FAP: variants seen among roughly 807,000 people sequenced by gnomAD.
The protein encoded by FAP is prolyl endopeptidase FAP.
FAP carries 110 observed loss-of-function variants against 126.5 expected under a neutral mutation model. That is an observed-to-expected ratio of 0.87 (90% CI 0.74 to 1.02). FAP has a LOEUF of 1.02. Among genes scored for constraint, FAP ranks in the 50% least tolerant of loss-of-function variants. The probability of loss-of-function intolerance (pLI) is 0.00; values close to 1 mark genes in which losing one functional copy is unlikely to be tolerated. For missense variants in FAP, 919 were observed against 909.2 expected (o/e 1.01, Z -0.14); for synonymous variants, 334 against 297.3 (o/e 1.12, Z -1.27).
At chr2:162,178,031 T>A (rs2106215575) in intron 21 of FAP, among the ~76,000 whole-genome samples, 1 of 152,316 alleles carries the variant, frequency 6.6e-6, no homozygotes, top group Admixed American at 6.5e-5. Context: ...CCCCTTCCTC[T>A]GTATCCCTAT....
intron 16 of FAP, chr2:162,197,709 T>C (rs888892306): frequency 4.4e-6 from 2 of 453,892 alleles, no homozygotes; most frequent in East Asian, 1.4e-4. Flanking sequence ...TTCATTCTGG[T>C]TCCCTTTATG....
intron 15 of FAP, 132 bp downstream of exon 15, chr2:162,200,434 T>C: frequency 1.7e-6 from 1 of 586,488 alleles, no homozygotes; most frequent in East Asian, 3.1e-5. Flanking sequence ...TCTCCAAATG[T>C]TTTCTCTAAA....
intron 7 of FAP, 69 bp from the exon 8 acceptor site, chr2:162,219,252 C>A: frequency 7.1e-7 from 1 of 1,404,372 alleles, no homozygotes; most frequent in Non-Finnish European, 9.8e-7. Context: ...TTTAATTATT[C>A]CTCTAATACC....
chr2:162,230,471 G>T (rs750775426), intron 2 of FAP, among the ~76,000 whole-genome samples: 5 of 150,982 alleles, frequency 3.3e-5, no homozygotes, highest in Non-Finnish European at 7.4e-5. Flanking sequence ...ACTATTATAC[G>T]TTCAGCTGCT....
intron 6 of FAP, chr2:162,221,659 A>G (rs1007421151): frequency 6.6e-6 from 3 of 456,594 alleles, no homozygotes; most frequent in Non-Finnish European, 1.3e-5. Flanking sequence ...TCACACAAGC[A>G]GCACTAAGCT....
At chr2:162,212,548 G>A (rs77372562) in intron 11 of FAP, among the ~76,000 whole-genome samples, 5,567 of 152,196 alleles carry the variant, frequency 0.037, 478 homozygotes, top group Admixed American at 0.22. Flanking sequence ...GTGATTTAAA[G>A]AAATATTTTT....
chr2:162,226,616 T>G lies in FAP; in HGVS notation c.97A>C (p.Asn33His). 6.4e-7 allele frequency: 1 copy of G among 1,568,886 alleles called. No individual in the cohort carries two copies. The highest frequency in any genetic ancestry group is 8.7e-7 in the Non-Finnish European group (1 of 1,149,110). ...GCTCTCATTGTATTTTCTTCAGAGTTATGAACTTTGGGGGAAGAGCAAATA... is the reference window on the plus strand; with the variant it reads ...GCTCTCATTGTATTTTCTTCAGAGTGATGAACTTTGGGGGAAGAGCAAATA... The part of the protein sequence containing the change: ...CIVLRPSRVH[N>H]SEENTMRALT... Residue 33 changes from asparagine (N) to histidine (H), a missense_variant, in exon 3 of 26, where the codon AAC becomes CAC. By Grantham distance (68) the Asn-to-His change is moderately conservative. Transcript: ENST00000188790.
At chr2:162,228,601 G>T (rs1377181068) in intron 2 of FAP, among the ~76,000 whole-genome samples, 1 of 152,062 alleles carries the variant, frequency 6.6e-6, no homozygotes, top group Non-Finnish European at 1.5e-5. Flanking sequence ...ATACTTAATA[G>T]AATTGTTATT....
intron 2 of FAP, among the ~76,000 whole-genome samples, chr2:162,240,898 A>G (rs1690321051): frequency 6.6e-6 from 1 of 152,184 alleles, no homozygotes; most frequent in South Asian, 2.1e-4. Flanking sequence ...CTGGCACTCC[A>G]GACGGGAGAT....
chr2:162,188,136 T>C (rs1340032856), intron 20 of FAP, 33 bp downstream of exon 20: 6 of 1,551,606 alleles, frequency 3.9e-6, no homozygotes, highest in Non-Finnish European at 4.4e-6. Flanking sequence ...TTTTGTTGCA[T>C]GTTGACATCT....
rs3217172 is a variant in FAP, at chr2:162,218,561, TTAGATAGA to T, written c.608-429_608-422del. On this transcript the variant is annotated intron_variant, in intron 8 of 25. Transcript: ENST00000188790. ...AAAAAAAACCAAAAACACAGTTAGTTTAGATAGATAGATAGATAGATAGATAGATAGAT... is the reference window on the plus strand; with the variant it reads ...AAAAAAAACCAAAAACACAGTTAGTTTAGATAGATAGATAGATAGATAGAT... Among the ~76,000 whole-genome samples, 1,336 of 148,566 alleles carry T rather than the reference TTAGATAGA, an allele frequency of 9.0e-3. 30 individuals are homozygous for T. The East Asian group carries it at 0.1, about 11-fold the overall frequency.
intron 2 of FAP, among the ~76,000 whole-genome samples, chr2:162,237,909 A>T (rs986570115): frequency 3.9e-5 from 6 of 152,180 alleles, no homozygotes; most frequent in Admixed American, 2.0e-4. Context: ...ATGAGATGGT[A>T]TCTCATTTTG....
chr2:162,213,393 A>AAAAAAC (rs1282589191), intron 11 of FAP, among the ~76,000 whole-genome samples: 1 of 150,830 alleles, frequency 6.6e-6, no homozygotes, highest in African/African-American at 2.5e-5. Flanking sequence ...AACAAAAAAC[A>AAAAAAC]AAAAAACAAA....
chr2:162,185,802 A>G (rs192929661), intron 20 of FAP, among the ~76,000 whole-genome samples: 1 of 152,204 alleles, frequency 6.6e-6, no homozygotes, highest in East Asian at 1.9e-4. Flanking sequence ...TTATAATCTC[A>G]ATTCCCCAGG....
At chr2:162,197,990 C>G (rs1168101422) in intron 16 of FAP, among the ~76,000 whole-genome samples, 1 of 152,152 alleles carries the variant, frequency 6.6e-6, no homozygotes, top group Admixed American at 6.5e-5. Context: ...TTTCATTGAT[C>G]TATATTGGCC....
chr2:162,218,975 T>C (rs1576181841), intron 8 of FAP, 88 bp downstream of exon 8: 2 of 1,063,454 alleles, frequency 1.9e-6, no homozygotes, highest in Non-Finnish European at 1.3e-6. Context: ...GGAAATAAGA[T>C]ACTACTCATC....
intron 15 of FAP, among the ~76,000 whole-genome samples, chr2:162,199,309 A>G (rs543666994): frequency 1.2e-4 from 18 of 152,194 alleles, no homozygotes; most frequent in Non-Finnish European, 2.1e-4. Context: ...TGTTCTTACC[A>G]TATATCAGGA....
At chr2:162,209,795 A>AAATC in intron 12 of FAP, 157 bp downstream of exon 12, 2 of 600,224 alleles carry the variant, frequency 3.3e-6, no homozygotes, top group Non-Finnish European at 5.8e-6. Context: ...GTCCGGCACA[A>AAATC]AATCACTCAA....
intron 12 of FAP, among the ~76,000 whole-genome samples, chr2:162,206,728 T>C (rs1157657234): frequency 6.6e-6 from 1 of 152,176 alleles, no homozygotes; most frequent in Admixed American, 6.5e-5. Flanking sequence ...AACAAACATG[T>C]TTTAAAAGCA....
Sources: gnomAD v4.1 joint callset for allele counts (sites outside exome capture counted in the v4.1 genomes callset) on GRCh38, gnomAD v4.1.1 for gene constraint, MANE v1.5 for transcripts, NCBI Gene and HGNC (gene_info 2026-07-23, HGNC 2026-07-21) for gene names.